The following FOXN3 variants were observed in gnomAD, a reference collection of about 807,000 sequenced individuals.
The protein encoded by FOXN3 is forkhead box N3, also known as forkhead box protein N3.
Under a neutral mutation model 38.4 loss-of-function variants are expected in FOXN3, and 7 were observed. The observed-to-expected ratio is 0.18, with a 90% CI of 0.10 to 0.34. The LOEUF is 0.34. Ranked by LOEUF, FOXN3 falls within the 10% of genes least tolerant of loss-of-function variation. The pLI, the probability that FOXN3 is intolerant of heterozygous loss-of-function variation, is 1.00. For synonymous variants in FOXN3, 230 were observed against 242.2 expected (o/e 0.95, Z 0.47); for missense variants, 456 against 613.4 (o/e 0.74, Z 2.71).
intron 4 of FOXN3, among the ~76,000 whole-genome samples, chr14:89,255,149 G>A (rs1371638088): frequency 6.6e-6 from 1 of 152,168 alleles, no homozygotes; most frequent in Non-Finnish European, 1.5e-5. Flanking sequence ...GATGAAGGGC[G>A]AGAACGCTAA....
At chr14:89,203,498 T>C (rs12323539) in intron 4 of FOXN3, among the ~76,000 whole-genome samples, 5,460 of 152,284 alleles carry the variant, frequency 0.036, 334 homozygotes, top group African/African-American at 0.12. Flanking sequence ...TCTGCCAGGC[T>C]AGGTGTGCCT....
intron 2 of FOXN3, among the ~76,000 whole-genome samples, chr14:89,396,342 G>A (rs1891097602): frequency 6.6e-6 from 1 of 152,192 alleles, no homozygotes; most frequent in Non-Finnish European, 1.5e-5. Context: ...GCAGAGAAAA[G>A]AGCATCAGGC....
intron 1 of FOXN3, among the ~76,000 whole-genome samples, chr14:89,477,113 T>C (rs1419107160): frequency 2.0e-5 from 3 of 152,168 alleles, no homozygotes; most frequent in Non-Finnish European, 4.4e-5. Flanking sequence ...TCATTTTGCC[T>C]TAGACTGGGG....
chr14:89,243,041 G>A (rs1217753765), intron 4 of FOXN3, among the ~76,000 whole-genome samples: 2 of 152,162 alleles, frequency 1.3e-5, no homozygotes, highest in South Asian at 4.1e-4. Flanking sequence ...GAAGTGGAAT[G>A]GCCCATGCAG....
chr14:89,453,166 T>A (rs948513753), intron 1 of FOXN3, among the ~76,000 whole-genome samples: 2 of 151,674 alleles, frequency 1.3e-5, no homozygotes, highest in Admixed American at 6.6e-5. Context: ...GCCATTGCAC[T>A]CCAGCTTGGG....
At chr14:89,566,678 T>C (rs930791796) in intron 1 of FOXN3, among the ~76,000 whole-genome samples, 3 of 152,268 alleles carry the variant, frequency 2.0e-5, no homozygotes, top group African/African-American at 4.8e-5. Flanking sequence ...TCTAGACTCA[T>C]TCACATTTGT....
chr14:89,261,657 T>C (rs1885806025), intron 4 of FOXN3, among the ~76,000 whole-genome samples: 1 of 151,778 alleles, frequency 6.6e-6, no homozygotes. Context: ...AGGCCAGGCG[T>C]GGTGGCTCAC....
intron 2 of FOXN3, among the ~76,000 whole-genome samples, chr14:89,377,250 A>G (rs1378951633): frequency 6.6e-6 from 1 of 151,740 alleles, no homozygotes; most frequent in Non-Finnish European, 1.5e-5. Context: ...ATTCCAGACT[A>G]AAGAGATTAA....
In FOXN3 at chr14:89,362,626, TCCACCACCATCTCCACCACCA is replaced by T. The variant is rs1244862390; in HGVS notation, c.544-11839_544-11819del. On this transcript the variant is annotated intron_variant, in intron 2 of 5. Coordinates refer to ENST00000557258, the MANE Select transcript of FOXN3 (RefSeq NM_005197.4). The stretch of plus-strand genomic sequence containing the variant: ...CACCATCTCTACGACCACCACCACC[TCCACCACCATCTCCACCACCA>T]CCACCACCATCTCCACCACCACCTC... 6.9e-3 allele frequency among the ~76,000 whole-genome samples: 5 copies of T among 722 alleles called. 2 individuals carry two copies. Among genetic ancestry groups the T allele is most frequent in the Non-Finnish European group, 0.029 (5 of 172 alleles). 0.5% of individuals were successfully genotyped at this position (722 alleles called of 152,430 possible).
intron 1 of FOXN3, among the ~76,000 whole-genome samples, chr14:89,488,624 CA>C (rs34611131): frequency 1.1e-3 from 137 of 119,408 alleles, no homozygotes; most frequent in Middle Eastern, 4.3e-3. Flanking sequence ...TGCCCCATCT[CA>C]AAAAAAAAAA....
At chr14:89,562,667 C>T (rs541428672) in intron 1 of FOXN3, among the ~76,000 whole-genome samples, 1 of 152,292 alleles carries the variant, frequency 6.6e-6, no homozygotes, top group East Asian at 1.9e-4. Context: ...TGTAGACCTT[C>T]AAAGGGTTAT....
At chr14:89,505,920 G>A (rs190372495) in intron 1 of FOXN3, among the ~76,000 whole-genome samples, 2,616 of 148,780 alleles carry the variant, frequency 0.018, 43 homozygotes, top group South Asian at 0.043. Flanking sequence ...GTCTCTGCCC[G>A]GCCGCCCCGT....
intron 4 of FOXN3, among the ~76,000 whole-genome samples, chr14:89,231,462 C>T (rs567530659): frequency 9.9e-5 from 15 of 152,154 alleles, no homozygotes; most frequent in African/African-American, 3.6e-4. Flanking sequence ...CCAGGTGATC[C>T]AAGAGGGAGG....
At chr14:89,166,729 C>T (rs1887252011) in intron 5 of FOXN3, among the ~76,000 whole-genome samples, 2 of 152,182 alleles carry the variant, frequency 1.3e-5, no homozygotes, top group Admixed American at 1.3e-4. Flanking sequence ...AATTAACCTT[C>T]CCTGAGATTT....
At chr14:89,299,380 G>A (rs549757829) in intron 3 of FOXN3, among the ~76,000 whole-genome samples, 48 of 152,374 alleles carry the variant, frequency 3.2e-4, no homozygotes, top group Middle Eastern at 3.4e-3. Flanking sequence ...CAGCCATGTA[G>A]AACTGTGAGT....
At chr14:89,384,914 A>G (rs1250311514) in intron 2 of FOXN3, among the ~76,000 whole-genome samples, 1 of 152,196 alleles carries the variant, frequency 6.6e-6, no homozygotes, top group Admixed American at 6.5e-5. Context: ...TGTAAATTAC[A>G]TGGTTTTATA....
intron 3 of FOXN3, among the ~76,000 whole-genome samples, chr14:89,325,349 C>T (rs1298221938): frequency 6.8e-6 from 1 of 147,128 alleles, no homozygotes. Flanking sequence ...ACCACCACCA[C>T]CACCACCACC....
At chr14:89,487,523 A>C (rs965952109) in intron 1 of FOXN3, among the ~76,000 whole-genome samples, 3 of 152,346 alleles carry the variant, frequency 2.0e-5, no homozygotes, top group Non-Finnish European at 4.4e-5. Context: ...TCTGTGTTTT[A>C]ACAAGTCCTC....
intron 1 of FOXN3, among the ~76,000 whole-genome samples, chr14:89,543,470 A>C (rs1894829436): frequency 1.3e-5 from 2 of 152,144 alleles, no homozygotes; most frequent in African/African-American, 4.8e-5. Flanking sequence ...AAAAACAAAA[A>C]AACCCCGACC....
Sources: allele counts gnomAD v4.1 joint callset (sites outside exome capture counted in the v4.1 genomes callset), GRCh38; gene constraint gnomAD v4.1.1; transcripts MANE v1.5; gene names NCBI Gene and HGNC (gene_info 2026-07-23, HGNC 2026-07-21).